DLGAP4: variants seen among roughly 807,000 people sequenced by gnomAD.
The protein encoded by DLGAP4 is DLG associated protein 4.
Under a neutral mutation model 86.9 loss-of-function variants are expected in DLGAP4, and 18 were observed. The ratio of observed to expected loss-of-function variants is 0.21; its 90% CI spans 0.14 to 0.31. DLGAP4 has a LOEUF of 0.31. DLGAP4 is among the 10% of genes least tolerant of loss of function. The pLI is 1.00. For missense variants in DLGAP4, 1,085 were observed against 1,362.6 expected, an observed-to-expected ratio of 0.80 and a Z score of 3.21; for synonymous variants, 548 against 574.3, an observed-to-expected ratio of 0.95 and a Z score of 0.65.
At chr20:36,395,978 T>G (rs11699643) in intron 2 of DLGAP4, among the ~76,000 whole-genome samples, 109,264 of 152,054 alleles carry the variant, frequency 0.72, 39,887 homozygotes, top group African/African-American at 0.85. Context: ...CTGGGCTGAT[T>G]AGATTGAGGC....
chr20:36,425,540 T>C (rs1485063874), intron 2 of DLGAP4, among the ~76,000 whole-genome samples: 1 of 138,746 alleles, frequency 7.2e-6, no homozygotes, highest in Non-Finnish European at 1.6e-5. Flanking sequence ...AAGTTAAACA[T>C]AGGGGCTGGG....
chr20:36,470,851 G>A (rs552041873), intron 7 of DLGAP4, among the ~76,000 whole-genome samples: 1 of 152,044 alleles, frequency 6.6e-6, no homozygotes, highest in South Asian at 2.1e-4. Flanking sequence ...TTCCATTGAC[G>A]GATAGACCAC....
intron 7 of DLGAP4, among the ~76,000 whole-genome samples, chr20:36,471,493 CAAAA>C (rs1234357529): frequency 6.6e-6 from 1 of 151,918 alleles, no homozygotes; most frequent in Admixed American, 6.6e-5. Context: ...GACTCCATCT[CAAAA>C]ATAAATAAAT....
At chr20:36,453,931 C>G (rs1365761064) in intron 7 of DLGAP4, among the ~76,000 whole-genome samples, 1 of 97,048 alleles carries the variant, frequency 1.0e-5, no homozygotes. Flanking sequence ...GAGACTCTGT[C>G]TCCAAAAAAA....
intron 2 of DLGAP4, among the ~76,000 whole-genome samples, chr20:36,425,034 C>A (rs907166020): frequency 1.3e-5 from 2 of 151,984 alleles, no homozygotes; most frequent in African/African-American, 4.8e-5. Context: ...TGCTCACAGG[C>A]CAGGGGATGC....
intron 1 of DLGAP4, among the ~76,000 whole-genome samples, chr20:36,311,079 C>T (rs904174679): frequency 3.3e-5 from 5 of 152,276 alleles, no homozygotes; most frequent in Admixed American, 6.5e-5. Context: ...GTGTGCAGCA[C>T]GTGCAGTACT....
At chr20:36,514,165 G>A (rs1463603738) in intron 10 of DLGAP4, among the ~76,000 whole-genome samples, 9 of 152,024 alleles carry the variant, frequency 5.9e-5, no homozygotes, top group Non-Finnish European at 1.2e-4. Context: ...TCTCAAGGGA[G>A]AATCCAGTGT....
At chr20:36,447,906 G>A (rs868302438) in intron 7 of DLGAP4, among the ~76,000 whole-genome samples, 33 of 129,396 alleles carry the variant, frequency 2.6e-4, no homozygotes, top group African/African-American at 8.3e-4. Flanking sequence ...GGGGGTGGGG[G>A]GGGGGGAGAC....
At chr20:36,512,176 A>G (rs1466684089) in intron 10 of DLGAP4, among the ~76,000 whole-genome samples, 2 of 148,624 alleles carry the variant, frequency 1.3e-5, no homozygotes, top group African/African-American at 2.5e-5. Context: ...TCAGCCTCCC[A>G]AGTAGCTGGG....
intron 10 of DLGAP4, among the ~76,000 whole-genome samples, chr20:36,522,631 A>C (rs2037447061): frequency 6.6e-6 from 1 of 152,092 alleles, no homozygotes; most frequent in South Asian, 2.1e-4. Flanking sequence ...AGATTCTCCT[A>C]TCTCAGCCTC....
chr20:36,370,144 A>C (rs529411211), intron 2 of DLGAP4, among the ~76,000 whole-genome samples: 1 of 152,268 alleles, frequency 6.6e-6, no homozygotes, highest in Non-Finnish European at 1.5e-5. Flanking sequence ...GTGCAGTCAT[A>C]GGCAGCAGAT....
chr20:36,513,276 C>T (rs528346375), intron 10 of DLGAP4, among the ~76,000 whole-genome samples: 24 of 151,736 alleles, frequency 1.6e-4, no homozygotes, highest in East Asian at 1.9e-4. Flanking sequence ...GGGCCGGGCG[C>T]GGTGGCTCAC....
intron 7 of DLGAP4, among the ~76,000 whole-genome samples, chr20:36,458,378 T>G (rs1600559545): frequency 8.2e-6 from 1 of 122,018 alleles, no homozygotes; most frequent in Non-Finnish European, 1.6e-5. Flanking sequence ...TGAGATGAAG[T>G]CTTGCTTCTG....
chr20:36,463,592 C>G (rs1171464063), intron 7 of DLGAP4, among the ~76,000 whole-genome samples: 3 of 152,168 alleles, frequency 2.0e-5, no homozygotes, highest in African/African-American at 7.2e-5. Context: ...TTTGTTAGTC[C>G]GTTTGTAAAG....
Position 36,431,745 on chromosome 20 carries a change from C to A in DLGAP4, c.28C>A (p.Arg10Ser). The part of the protein sequence containing the change: MKGLGDSRP[R>S]HLSDSLDPPH... ...GAAAGGCCTCGGTGACAGCCGCCCCCGCCACCTCTCCGACAGCCTAGACCC... is the reference window on the plus strand; with the variant it reads ...GAAAGGCCTCGGTGACAGCCGCCCCAGCCACCTCTCCGACAGCCTAGACCC... The change falls in exon 3 of 13, where the codon CGC becomes AGC. Residue 10 changes from arginine to serine, a missense_variant. Arg to Ser is a moderately radical substitution (Grantham distance 110). Coordinates refer to ENST00000339266, the MANE Select transcript of DLGAP4 (RefSeq NM_001365621.2). The surrounding 1 kb of genome is among the most constrained non-coding windows in gnomAD (Gnocchi z 5.1). 6.2e-7 allele frequency: 1 copy of A among 1,603,290 alleles called. No individual in the cohort carries two copies. The highest frequency in any genetic ancestry group is 1.1e-5 in the South Asian group (1 of 90,422).
chr20:36,407,314 G>A (rs1245374067), intron 2 of DLGAP4, among the ~76,000 whole-genome samples: 1 of 152,162 alleles, frequency 6.6e-6, no homozygotes, highest in Non-Finnish European at 1.5e-5. Context: ...CTGGAGTACA[G>A]TTGACCTTCA....
At chr20:36,438,455 T>C (rs1275395) in intron 4 of DLGAP4, among the ~76,000 whole-genome samples, 103,495 of 149,258 alleles carry the variant, frequency 0.69, 37,029 homozygotes, top group Non-Finnish European at 0.79. Context: ...CCTCACACTG[T>C]CCAGGCTGGC....
chr20:36,392,378 G>A (rs143188330), intron 2 of DLGAP4, among the ~76,000 whole-genome samples: 2,422 of 152,150 alleles, frequency 0.016, 27 homozygotes, highest in Non-Finnish European at 0.023. Flanking sequence ...CTTGTTTTGG[G>A]GGGTATTTTT....
chr20:36,433,585 G>A (rs1294088342), intron 3 of DLGAP4, among the ~76,000 whole-genome samples: 3 of 152,096 alleles, frequency 2.0e-5, no homozygotes, highest in Admixed American at 6.6e-5. Flanking sequence ...GGTAGTGAGT[G>A]CCTCATCTCA....
Sources: gnomAD v4.1 joint callset for allele counts (sites outside exome capture counted in the v4.1 genomes callset) on GRCh38, gnomAD v4.1.1 for gene constraint, Gnocchi (gnomAD v3.1) non-coding constraint, MANE v1.5 for transcripts, NCBI Gene and HGNC (gene_info 2026-07-23, HGNC 2026-07-21) for gene names.